MSI1: variants seen among roughly 807,000 people sequenced by gnomAD.
MSI1 encodes the protein RNA-binding protein Musashi homolog 1.
A neutral mutation model predicts 54.4 loss-of-function variants in MSI1; 15 were observed. The ratio of observed to expected loss-of-function variants is 0.28; its 90% CI spans 0.18 to 0.42. The LOEUF is 0.42. Ranked by LOEUF, MSI1 falls within the 20% of genes least tolerant of loss-of-function variation. The pLI is 1.00. For missense variants in MSI1, 304 were observed against 506.0 expected (o/e 0.60, Z 3.83); for synonymous variants, 200 against 196.5 (o/e 1.02, Z -0.15).
intron 9 of MSI1, among the ~76,000 whole-genome samples, chr12:120,355,593 T>C (rs1334295367): frequency 6.6e-6 from 1 of 152,184 alleles, no homozygotes; most frequent in East Asian, 1.9e-4. Context: ...TCTATACATG[T>C]GTACATACAT....
intron 9 of MSI1, among the ~76,000 whole-genome samples, chr12:120,356,397 A>G (rs1033306020): frequency 6.6e-6 from 1 of 152,066 alleles, no homozygotes; most frequent in Non-Finnish European, 1.5e-5. Context: ...GACTCAACTT[A>G]AATGTAACTT....
At chr12:120,363,282 T>A in intron 5 of MSI1, 147 bp from the exon 6 acceptor site, 3 of 512,074 alleles carry the variant, frequency 5.9e-6, no homozygotes, top group Non-Finnish European at 9.8e-6. Context: ...GCAAGCTCCC[T>A]CTTGGACCCC....
In MSI1 at chr12:120,368,717, G is replaced by C. The variant is rs1381746971; in HGVS notation, c.100+116C>G. 4.0e-6 allele frequency: 4 copies of C among 988,898 alleles called. No individual in the cohort carries two copies. Among genetic ancestry groups the C allele is most frequent in the Non-Finnish European group, 5.2e-6 (4 of 772,050 alleles). 61.3% of individuals were successfully genotyped at this position (988,898 alleles called of 1,614,324 possible). On this transcript the variant is annotated intron_variant, in intron 2 of 14. Coordinates refer to ENST00000257552, the MANE Select transcript of MSI1 (RefSeq NM_002442.4). This position sits in a 1 kb window ranked among gnomAD's most constrained non-coding sequence, Gnocchi z 6.6. The stretch of plus-strand genomic sequence containing the variant: ...GTCTCCGGGCGGGGCGCGAAAGAGG[G>C]CGCGAGGGCGCCCGGGGTCAGCAGG...
rs114299705 is a variant in MSI1, at chr12:120,346,842, G to A, written c.860-520C>T. 3.0e-3 allele frequency among the ~76,000 whole-genome samples: 456 copies of A among 152,246 alleles called. 2 individuals carry two copies. Among genetic ancestry groups the A allele is most frequent in the African/African-American group, 0.011 (438 of 41,550 alleles). On this transcript the variant is annotated intron_variant, in intron 12 of 14. Coordinates refer to ENST00000257552, the MANE Select transcript of MSI1 (RefSeq NM_002442.4). ...CCCAGCTGGGAGCTCCTCTGGTACTGGACTCCCCCTAGTGCAGCAGCATCA... is the reference window on the plus strand; with the variant it reads ...CCCAGCTGGGAGCTCCTCTGGTACTAGACTCCCCCTAGTGCAGCAGCATCA...
intron 11 of MSI1, 128 bp downstream of exon 11, chr12:120,351,216 T>G: frequency 1.1e-6 from 1 of 917,974 alleles, no homozygotes; most frequent in African/African-American, 1.6e-5. Flanking sequence ...CAGTCTGCTG[T>G]GTCCCCACAG....
chr12:120,351,848 A>C (rs1299792725), intron 10 of MSI1, among the ~76,000 whole-genome samples: 1 of 150,704 alleles, frequency 6.6e-6, no homozygotes, highest in Non-Finnish European at 1.5e-5. Context: ...AGCTGAGACT[A>C]CAGGCGCCCG....
chr12:120,358,892 G>T, intron 7 of MSI1, 113 bp downstream of exon 7: 1 of 1,238,078 alleles, frequency 8.1e-7, no homozygotes, highest in Non-Finnish European at 1.1e-6. Flanking sequence ...GGGAGAGGAC[G>T]CAGATCCTGG....
chr12:120,363,206 C>A lies in MSI1; in HGVS notation c.310-71G>T, dbSNP rs1375618364. On this transcript the variant is annotated intron_variant, in intron 5 of 14. Coordinates refer to ENST00000257552, the MANE Select transcript of MSI1 (RefSeq NM_002442.4). Reference sequence around the variant, plus strand: ...CTACCGCCACCAGCAGGGGCTCGAGCCCCCCTGCCAGGATGCCAGCTGACA... The same window carrying A: ...CTACCGCCACCAGCAGGGGCTCGAGACCCCCTGCCAGGATGCCAGCTGACA... 3.0e-6 allele frequency: 4 copies of A among 1,351,732 alleles called. 1 individual carries two copies. The highest frequency in any genetic ancestry group is 2.4e-5 in the South Asian group (2 of 85,058). 83.7% of individuals were successfully genotyped at this position (1,351,732 alleles called of 1,614,324 possible). A position where few individuals can be genotyped will look rare whatever the true frequency, so the allele number is the denominator to read the frequency against.
chr12:120,351,501 C>A, intron 10 of MSI1, 101 bp from the exon 11 acceptor site: 1 of 1,059,424 alleles, frequency 9.4e-7, no homozygotes, highest in Non-Finnish European at 1.4e-6. Context: ...GGTGAGGAGA[C>A]AGGCCATGCA....
At chr12:120,365,286 T>C (rs972193976) in intron 4 of MSI1, among the ~76,000 whole-genome samples, 4 of 152,174 alleles carry the variant, frequency 2.6e-5, no homozygotes, top group African/African-American at 4.8e-5. Context: ...TGTGAGACCA[T>C]GGACAAGTTA....
intron 4 of MSI1, 58 bp downstream of exon 4, chr12:120,367,950 C>T: frequency 6.5e-7 from 1 of 1,535,144 alleles, no homozygotes; most frequent in South Asian, 1.2e-5. Flanking sequence ...AGTCCTGACC[C>T]TCTCCTCCGG....
chr12:120,369,066 C>T lies in MSI1; in HGVS notation c.26G>A (p.Gly9Asp). Residue 9 changes from glycine to aspartate, a missense_variant, in exon 1 of 15, where the codon GGC (glycine) becomes GAC (aspartate). Around this residue, in one of 4 missense-constraint regions of MSI1, gnomAD observed 30 missense variants for 24.8 expected, o/e 1.21. Coordinates refer to ENST00000257552, the MANE Select transcript of MSI1 (RefSeq NM_002442.4). ...GTGCGGCGAGTCCGGGGAGGCGAGG[C>T]CGGGCTGGGGCGCGTCAGTCTCCAT... Reference protein sequence around the residue: METDAPQPGLASPDSPHDP... With the variant: METDAPQPDLASPDSPHDP... 9.8e-7 allele frequency: 1 copy of T among 1,022,900 alleles called. No homozygotes were observed. The highest frequency in any genetic ancestry group is 1.2e-6 in the Non-Finnish European group (1 of 857,798). 63.4% of individuals were successfully genotyped at this position (1,022,900 alleles called of 1,614,324 possible).
chr12:120,364,406 A>C (rs1875891025), intron 5 of MSI1, among the ~76,000 whole-genome samples: 1 of 152,062 alleles, frequency 6.6e-6, no homozygotes, highest in African/African-American at 2.4e-5. Flanking sequence ...ATGATGTTGG[A>C]ATTAGACTCA....
intron 4 of MSI1, among the ~76,000 whole-genome samples, chr12:120,365,995 C>T (rs1875993144): frequency 6.6e-6 from 1 of 152,204 alleles, no homozygotes; most frequent in Admixed American, 6.5e-5. Flanking sequence ...TTGCCCTTGG[C>T]TGTGAACAAC....
chr12:120,368,388 G>A lies in MSI1; in HGVS notation c.101-115C>T. ...CGGCCGCCCCCGCGCCAAGCTGCCC[G>A]CGCGTTCTCCACTGCCGCCGCCCCC... On this transcript the variant is annotated intron_variant, in intron 2 of 14. Transcript: ENST00000257552. The surrounding 1 kb of genome is among the most constrained non-coding windows in gnomAD (Gnocchi z 6.6). The A allele has an allele frequency of 9.0e-7, 1 of 1,111,848 alleles. No individual in the cohort carries two copies. Among genetic ancestry groups the A allele is most frequent in the Non-Finnish European group, 1.2e-6 (1 of 824,240 alleles). The allele number at this position is 1,111,848 out of a possible 1,614,324, so 68.9% of individuals were successfully genotyped here.
At chr12:120,348,364 A>G (rs1183783) in intron 11 of MSI1, among the ~76,000 whole-genome samples, 91,356 of 151,912 alleles carry the variant, frequency 0.6, 27,733 homozygotes, top group South Asian at 0.67. Flanking sequence ...GGGCTGAGAG[A>G]TGAGCACCTC....
intron 14 of MSI1, among the ~76,000 whole-genome samples, chr12:120,344,147 C>T (rs572194052): frequency 2.1e-4 from 32 of 152,206 alleles, no homozygotes; most frequent in Non-Finnish European, 4.0e-4. Context: ...TGAGCCACTG[C>T]GCCCGGCCAA....
intron 4 of MSI1, among the ~76,000 whole-genome samples, chr12:120,366,142 C>T (rs1876003697): frequency 6.6e-6 from 1 of 152,196 alleles, no homozygotes. Context: ...CTTTTTGCCA[C>T]CCACATGGGT....
downstream of MSI1, among the ~76,000 whole-genome samples, chr12:120,340,331 G>A (rs1056656253): frequency 1.3e-5 from 2 of 152,082 alleles, no homozygotes; most frequent in South Asian, 2.1e-4. Context: ...CGATCCGCCC[G>A]CCTTGGCCTC....
Sources: gnomAD v4.1 joint callset for allele counts (sites outside exome capture counted in the v4.1 genomes callset) on GRCh38, gnomAD v4.1.1 for gene constraint, gnomAD v4.1.1 regional missense constraint, Gnocchi (gnomAD v3.1) non-coding constraint, MANE v1.5 for transcripts, NCBI Gene and HGNC (gene_info 2026-07-23, HGNC 2026-07-21) for gene names.